The following FBN1 variants were observed in gnomAD, a reference collection of about 807,000 sequenced individuals.
The protein encoded by FBN1 is fibrillin 1, also known as fibrillin-1.
Under a neutral mutation model 365.1 loss-of-function variants are expected in FBN1, and 29 were observed. The ratio of observed to expected loss-of-function variants is 0.08; its 90% confidence interval spans 0.06 to 0.11. FBN1 has a LOEUF of 0.11. Among genes scored for constraint, FBN1 ranks in the 10% least tolerant of loss-of-function variants. The pLI is 1.00. For synonymous variants in FBN1, 1,210 were observed against 1,270.5 expected (o/e 0.95, Z 1.01); for missense variants, 2,476 against 3,703.2 (o/e 0.67, Z 8.60).
rs867111778 is a variant in FBN1 at position 48,474,629 on chromosome 15, C to T, written c.3986G>A (p.Gly1329Glu). The change falls in exon 33 of 66, where the codon GGA becomes GAA. Residue 1329 changes from glycine to glutamate, a missense_variant. Gly to Glu is a moderately conservative substitution (Grantham distance 98). This residue lies in a region of FBN1 where 1,780 missense variants were observed against 2,840.8 expected (regional missense o/e 0.63). Transcript: ENST00000316623. ...AGCATGTTTGCCACAGTTGTGTGCT[C>T]CAATTTCACATTCATTGATGTCTGG... ...GCTDINECEI[G>E]AHNCGKHAVC... The T allele has an allele frequency of 1.2e-6, 2 of 1,614,072 alleles. No individual in the cohort carries two copies. The highest frequency in any genetic ancestry group is 1.7e-6 in the Non-Finnish European group (2 of 1,179,998).
rs2042845066 is a variant in FBN1 at position 48,409,694 on chromosome 15, T to C, written c.*1296A>G. 6.6e-6 allele frequency: 1 copy of C among 152,190 alleles called. No individual in the cohort carries two copies. 9.4% of individuals were successfully genotyped at this position (152,190 alleles called of 1,614,324 possible). A position where few individuals can be genotyped will look rare whatever the true frequency, so the allele number is the denominator to read the frequency against. On this transcript the variant is annotated 3_prime_UTR_variant, in exon 66 of 66. Transcript: ENST00000316623. Reference sequence around the variant, plus strand: ...AAAAATGGAACAGAACACCTAAGGCTTGCCAAAACTGTGTATATTTGAGAG... The same window carrying C: ...AAAAATGGAACAGAACACCTAAGGCCTGCCAAAACTGTGTATATTTGAGAG...
At chr15:48,636,087 C>T (rs1432462778) in intron 2 of FBN1, among the ~76,000 whole-genome samples, 3 of 152,246 alleles carry the variant, frequency 2.0e-5, no homozygotes. Flanking sequence ...CATGATGCTC[C>T]TCACATCCAA....
intron 52 of FBN1, 76 bp downstream of exon 52, chr15:48,437,246 G>C (rs2043080427): frequency 7.0e-7 from 1 of 1,423,096 alleles, no homozygotes; most frequent in Admixed American, 1.7e-5. Flanking sequence ...GATAGATGGA[G>C]AAAAATAAGA....
chr15:48,494,065 G>A (rs1041349094), intron 23 of FBN1, 139 bp downstream of exon 23: 11 of 714,624 alleles, frequency 1.5e-5, no homozygotes, highest in Non-Finnish European at 2.3e-5. Flanking sequence ...CAGCTGTTCC[G>A]TTTTGTAGTT....
At chr15:48,549,111 C>T (rs901698617) in intron 6 of FBN1, among the ~76,000 whole-genome samples, 4 of 152,308 alleles carry the variant, frequency 2.6e-5, no homozygotes, top group South Asian at 4.1e-4. Flanking sequence ...AGTAGTTGTA[C>T]GGCTAAAAGT....
chr15:48,515,625 G>A, intron 11 of FBN1, 98 bp from the exon 12 acceptor site: 4 of 1,513,504 alleles, frequency 2.6e-6, no homozygotes, highest in Non-Finnish European at 2.7e-6. Context: ...AATCAGAAAG[G>A]AAAGAGGATA....
intron 6 of FBN1, among the ~76,000 whole-genome samples, chr15:48,585,906 T>C (rs1026296463): frequency 2.0e-5 from 3 of 152,166 alleles, no homozygotes; most frequent in African/African-American, 7.2e-5. Context: ...GTAAAGAAAA[T>C]ATTTTTAAGG....
At chr15:48,418,494 G>C (rs2042917435) in intron 63 of FBN1, among the ~76,000 whole-genome samples, 1 of 152,208 alleles carries the variant, frequency 6.6e-6, no homozygotes. Flanking sequence ...CAAATATTCA[G>C]TGTTTACAGT....
rs2043210586 is a variant in FBN1 at position 48,452,681 on chromosome 15, A to G, written c.5426T>C (p.Ile1809Thr). 1.9e-6 allele frequency: 3 copies of G among 1,614,144 alleles called. No homozygotes were observed. Among genetic ancestry groups the G allele is most frequent in the Non-Finnish European group, 2.5e-6 (3 of 1,179,986 alleles). Residue 1809 changes from isoleucine to threonine, a missense_variant, in exon 45 of 66, where the codon ATT becomes ACT. Physicochemically the swap from Ile to Thr is moderately conservative, Grantham distance 89 (BLOSUM62 -1). This residue lies in a region of FBN1 where 1,780 missense variants were observed against 2,840.8 expected (regional missense o/e 0.63). Transcript: ENST00000316623. ...YNDKLLVCED[I>T]DECQNGPVCQ... ...CACTGGGCCGTTCTGACACTCGTCA[A>G]TATCTACGAGCAGAAGAGAACTGAA... is the stretch of plus-strand genomic sequence containing the variant.
chr15:48,497,877 A>T (rs563386692), intron 18 of FBN1, among the ~76,000 whole-genome samples: 2 of 152,290 alleles, frequency 1.3e-5, no homozygotes, highest in African/African-American at 4.8e-5. Context: ...GATAAAACTA[A>T]AATATAAATT....
chr15:48,586,101 C>T (rs936375394), intron 6 of FBN1, among the ~76,000 whole-genome samples: 30 of 152,258 alleles, frequency 2.0e-4, no homozygotes, highest in Admixed American at 1.2e-3. Context: ...ATCATGAGTA[C>T]ATATCCCCAG....
At chr15:48,597,939 G>C (rs1353242985) in intron 5 of FBN1, among the ~76,000 whole-genome samples, 1 of 152,136 alleles carries the variant, frequency 6.6e-6, no homozygotes, top group Non-Finnish European at 1.5e-5. Context: ...ACTCCCTCAG[G>C]GAGCACCAAG....
intron 6 of FBN1, among the ~76,000 whole-genome samples, chr15:48,586,654 G>A (rs1038077866): frequency 6.6e-6 from 1 of 152,178 alleles, no homozygotes; most frequent in Non-Finnish European, 1.5e-5. Flanking sequence ...AGTGTCTCAT[G>A]CTGTGTTTAA....
intron 6 of FBN1, among the ~76,000 whole-genome samples, chr15:48,585,636 A>T (rs1271160891): frequency 6.6e-6 from 1 of 152,220 alleles, no homozygotes; most frequent in Non-Finnish European, 1.5e-5. Context: ...TACTCTCTTC[A>T]CAGCTCTAAG....
intron 32 of FBN1, among the ~76,000 whole-genome samples, chr15:48,478,184 A>T (rs1342179300): frequency 6.6e-6 from 1 of 152,162 alleles, no homozygotes; most frequent in Non-Finnish European, 1.5e-5. Flanking sequence ...GGCTACTTGG[A>T]TTTCTTAATT....
chr15:48,628,385 G>T (rs1392931753), intron 2 of FBN1, among the ~76,000 whole-genome samples: 1 of 151,660 alleles, frequency 6.6e-6, no homozygotes, highest in Admixed American at 6.6e-5. Flanking sequence ...AATCTCTGCA[G>T]ATATCTTCTT....
chr15:48,494,108 C>G (rs982857335), intron 23 of FBN1, 96 bp downstream of exon 23: 10 of 949,610 alleles, frequency 1.1e-5, no homozygotes, highest in Non-Finnish European at 1.7e-5. Context: ...GCATATTTCT[C>G]CCTGTGAAGT....
chr15:48,508,477 G>T, intron 15 of FBN1, 105 bp downstream of exon 15: 1 of 1,503,256 alleles, frequency 6.7e-7, no homozygotes, highest in Non-Finnish European at 9.2e-7. Context: ...AAAATTCAAG[G>T]TACTTTAAGT....
chr15:48,549,943 T>C (rs961610755), intron 6 of FBN1, among the ~76,000 whole-genome samples: 4 of 152,224 alleles, frequency 2.6e-5, no homozygotes, highest in Admixed American at 1.3e-4. Flanking sequence ...TATAAATTGA[T>C]AGCTAACTTT....
Sources: gnomAD v4.1 joint callset for allele counts (sites outside exome capture counted in the v4.1 genomes callset) on GRCh38, gnomAD v4.1.1 for gene constraint, gnomAD v4.1.1 regional missense constraint, MANE v1.5 for transcripts, NCBI Gene and HGNC (gene_info 2026-07-23, HGNC 2026-07-21) for gene names.